Variants in GRIN2B observed in about 807,000 individuals in gnomAD.
The protein encoded by GRIN2B is glutamate ionotropic receptor NMDA type subunit 2B.
In GRIN2B, 5 loss-of-function variants were observed where a neutral mutation model predicts 114.5. The observed-to-expected ratio is 0.04, with a 90% confidence interval of 0.02 to 0.09. GRIN2B has a LOEUF of 0.09. GRIN2B is among the 10% of genes least tolerant of loss of function. The probability of loss-of-function intolerance (pLI) is 1.00; values close to 1 mark genes in which losing one functional copy is unlikely to be tolerated. For missense variants in GRIN2B, 1,108 were observed against 1,943.5 expected, an observed-to-expected ratio of 0.57 and a Z score of 8.08; for synonymous variants, 787 against 745.1, an observed-to-expected ratio of 1.06 and a Z score of -0.92.
intron 4 of GRIN2B, among the ~76,000 whole-genome samples, chr12:13,697,753 T>G (rs1332986441): frequency 1.3e-5 from 2 of 152,206 alleles, no homozygotes; most frequent in Non-Finnish European, 2.9e-5. Context: ...TTCTGTACTT[T>G]TGTGTGCATT....
intron 4 of GRIN2B, among the ~76,000 whole-genome samples, chr12:13,710,104 T>G (rs894985198): frequency 2.0e-5 from 3 of 152,020 alleles, no homozygotes; most frequent in African/African-American, 7.2e-5. Flanking sequence ...GAGCATACTG[T>G]TGATAAATGC....
At chr12:13,978,499 C>A (rs376293380) in intron 2 of GRIN2B, among the ~76,000 whole-genome samples, 1 of 152,194 alleles carries the variant, frequency 6.6e-6, no homozygotes, top group Non-Finnish European at 1.5e-5. Context: ...GAACTATCAT[C>A]TACTGTCATG....
At chr12:13,954,286 A>G (rs1370591192) in intron 2 of GRIN2B, among the ~76,000 whole-genome samples, 1 of 152,214 alleles carries the variant, frequency 6.6e-6, no homozygotes, top group African/African-American at 2.4e-5. Context: ...ACATGATTCA[A>G]CAAAGGGTGC....
At chr12:13,968,645 TAGAA>T (rs1460179939) in intron 2 of GRIN2B, among the ~76,000 whole-genome samples, 6 of 152,250 alleles carry the variant, frequency 3.9e-5, no homozygotes, top group African/African-American at 1.2e-4. Flanking sequence ...TCTTTCATAA[TAGAA>T]AGAAAAGATA....
intron 5 of GRIN2B, among the ~76,000 whole-genome samples, chr12:13,648,538 A>T (rs149882973): frequency 6.6e-6 from 1 of 152,004 alleles, no homozygotes; most frequent in African/African-American, 2.4e-5. Flanking sequence ...TGCTATAAGA[A>T]GTCCTAGGAT....
chr12:13,748,097 C>T (rs373940877), intron 4 of GRIN2B, among the ~76,000 whole-genome samples: 3 of 152,086 alleles, frequency 2.0e-5, no homozygotes, highest in Admixed American at 6.5e-5. Flanking sequence ...TGGGCCAGGA[C>T]GATCCAGCCT....
At chr12:13,970,579 C>T (rs1227816820) in intron 2 of GRIN2B, among the ~76,000 whole-genome samples, 1 of 152,034 alleles carries the variant, frequency 6.6e-6, no homozygotes, top group African/African-American at 2.4e-5. Flanking sequence ...AGGACAAAGT[C>T]ATAAATCTTG....
intron 2 of GRIN2B, among the ~76,000 whole-genome samples, chr12:13,905,025 T>G (rs140185372): frequency 6.6e-6 from 1 of 152,264 alleles, no homozygotes; most frequent in Non-Finnish European, 1.5e-5. Context: ...TGTAGATCTG[T>G]TCATTTATAA....
At chr12:13,932,243 C>T (rs1230052165) in intron 2 of GRIN2B, among the ~76,000 whole-genome samples, 1 of 152,176 alleles carries the variant, frequency 6.6e-6, no homozygotes, top group East Asian at 1.9e-4. Context: ...CTCTAGTGGC[C>T]CACTCTCTTT....
chr12:13,898,359 A>G (rs1254312541), intron 2 of GRIN2B, among the ~76,000 whole-genome samples: 1 of 152,264 alleles, frequency 6.6e-6, no homozygotes, highest in Non-Finnish European at 1.5e-5. Flanking sequence ...ACTGCATTTA[A>G]TAATCAAAGC....
intron 4 of GRIN2B, among the ~76,000 whole-genome samples, chr12:13,734,728 T>C (rs551725452): frequency 7.5e-4 from 114 of 152,254 alleles, no homozygotes; most frequent in African/African-American, 2.6e-3. Context: ...GCCATAGGTA[T>C]GAACAAAGGG....
At chr12:13,820,248 A>G (rs144568962) in intron 3 of GRIN2B, among the ~76,000 whole-genome samples, 3 of 152,240 alleles carry the variant, frequency 2.0e-5, no homozygotes, top group African/African-American at 7.2e-5. Context: ...CCAAATACCA[A>G]TGCCATCCTA....
chr12:13,826,034 T>C (rs1220510925), intron 3 of GRIN2B, among the ~76,000 whole-genome samples: 1 of 152,176 alleles, frequency 6.6e-6, no homozygotes. Flanking sequence ...TTCTTTTTTT[T>C]TCTTGCCTTT....
intron 3 of GRIN2B, among the ~76,000 whole-genome samples, chr12:13,785,637 T>C (rs556251331): frequency 1.3e-5 from 2 of 152,224 alleles, no homozygotes; most frequent in South Asian, 2.1e-4. Context: ...TGTATCTTCA[T>C]GTAATGAAAA....
At chr12:13,827,737 G>A (rs981435258) in intron 3 of GRIN2B, among the ~76,000 whole-genome samples, 10 of 151,864 alleles carry the variant, frequency 6.6e-5, no homozygotes, top group South Asian at 4.2e-4. Context: ...GGTGGAGTGC[G>A]GTGGTATGAT....
intron 3 of GRIN2B, among the ~76,000 whole-genome samples, chr12:13,844,682 G>C (rs889398615): frequency 4.6e-5 from 7 of 152,132 alleles, no homozygotes; most frequent in Non-Finnish European, 8.8e-5. Context: ...CTCCATCTTT[G>C]ACATATCATT....
intron 3 of GRIN2B, among the ~76,000 whole-genome samples, chr12:13,795,546 A>G (rs373110409): frequency 3.7e-4 from 56 of 152,324 alleles, no homozygotes; most frequent in Middle Eastern, 3.4e-3. Context: ...TAGCTAATGC[A>G]TAGAAATACC....
intron 3 of GRIN2B, among the ~76,000 whole-genome samples, chr12:13,846,190 G>A (rs1279002196): frequency 6.6e-6 from 1 of 152,112 alleles, no homozygotes; most frequent in African/African-American, 2.4e-5. Context: ...CTCTTGATTT[G>A]GTAGTTTAGT....
At chr12:13,844,370 T>C (rs1865434968) in intron 3 of GRIN2B, among the ~76,000 whole-genome samples, 2 of 152,226 alleles carry the variant, frequency 1.3e-5, no homozygotes, top group African/African-American at 4.8e-5. Context: ...GTCTAGGCCC[T>C]TAAGCATGCA....
Sources: allele counts gnomAD v4.1 joint callset (sites outside exome capture counted in the v4.1 genomes callset), GRCh38; gene constraint gnomAD v4.1.1; transcripts MANE v1.5; gene names NCBI Gene and HGNC (gene_info 2026-07-23, HGNC 2026-07-21).